Variants in LIPH observed in about 807,000 individuals in gnomAD.
The protein encoded by LIPH is lipase H.
In LIPH, 32 loss-of-function variants were observed where a neutral mutation model predicts 47.6. That is an observed-to-expected ratio of 0.67 (90% CI 0.51 to 0.90). The LOEUF (loss-of-function observed/expected upper bound fraction) is 0.90. Among genes scored for constraint, LIPH ranks in the 40% least tolerant of loss-of-function variants. LIPH has a pLI of 0.00. For synonymous variants in LIPH, 190 were observed against 195.6 expected (o/e 0.97, Z 0.24); for missense variants, 497 against 541.4 (o/e 0.92, Z 0.81).
At chr3:185,534,379 A>C (rs1353578091) in intron 2 of LIPH, among the ~76,000 whole-genome samples, 1 of 151,984 alleles carries the variant, frequency 6.6e-6, no homozygotes, top group South Asian at 2.1e-4. Context: ...AAGTTGAGGA[A>C]GCTCTAGGCA....
intron 4 of LIPH, among the ~76,000 whole-genome samples, chr3:185,525,863 A>G (rs1363022026): frequency 6.6e-6 from 1 of 152,196 alleles, no homozygotes; most frequent in East Asian, 1.9e-4. Context: ...TAATTGTTGG[A>G]CACCACACCA....
chr3:185,535,290 A>G (rs1324477342), intron 1 of LIPH, among the ~76,000 whole-genome samples, 158 bp from the exon 2 acceptor site: 1 of 152,010 alleles, frequency 6.6e-6, no homozygotes. Context: ...TCATATATAC[A>G]TACTTTGAGA....
intron 7 of LIPH, 130 bp downstream of exon 7, chr3:185,516,937 A>C (rs1462341505): frequency 2.6e-6 from 2 of 755,500 alleles, no homozygotes; most frequent in Non-Finnish European, 4.9e-6. Flanking sequence ...GAGTCAACCG[A>C]GGCCCTTCCA....
chr3:185,511,480 A>G (rs375487806), intron 9 of LIPH, 44 bp downstream of exon 9: 18 of 1,587,634 alleles, frequency 1.1e-5, no homozygotes, highest in Non-Finnish European at 1.6e-5. Context: ...ATCCAGCAAC[A>G]TCTTTGGAAA....
Position 185,534,828 on chromosome 3 carries a change from G to A in LIPH, c.354C>T (p.Thr118=). The A allele has an allele frequency of 6.2e-7, 1 of 1,613,266 alleles. No homozygotes were observed. The highest frequency in any genetic ancestry group is 8.5e-7 in the Non-Finnish European group (1 of 1,179,226). ...WNRGATTLIY[T]HASSKTRKVA... ...CTTTTCTGGTCTTACTAGAGGCATG[G>A]GTATATATTAAAGTTGTAGCTCCTC... The change falls in exon 2 of 10, where the codon ACC becomes ACT. Residue 118 remains threonine, a synonymous_variant. Coordinates refer to ENST00000296252, the MANE Select transcript of LIPH (RefSeq NM_139248.3).
intron 3 of LIPH, among the ~76,000 whole-genome samples, chr3:185,533,174 G>A (rs1051483008): frequency 2.3e-4 from 35 of 152,170 alleles, no homozygotes; most frequent in African/African-American, 7.9e-4. Flanking sequence ...TTCCCATCTC[G>A]TTTTCTTATG....
chr3:185,524,756 T>C (rs1176888183), intron 4 of LIPH, among the ~76,000 whole-genome samples: 1 of 152,192 alleles, frequency 6.6e-6, no homozygotes, highest in Non-Finnish European at 1.5e-5. Context: ...GCCCCATTTC[T>C]TCCTTATGTT....
At position 185,507,162 on chromosome 3, in the gene LIPH, A is replaced by C. The variant is rs1363246605; in HGVS notation, c.*1628T>G. On this transcript the variant is annotated 3_prime_UTR_variant, in exon 10 of 10. Coordinates refer to ENST00000296252, the MANE Select transcript of LIPH (RefSeq NM_139248.3). Reference sequence around the variant, plus strand: ...CCGAGACGGGTAGTCACCTGAGGACAGGAGTTCGAGACGAGCCTGGCTAAC... The same window carrying C: ...CCGAGACGGGTAGTCACCTGAGGACCGGAGTTCGAGACGAGCCTGGCTAAC... The C allele has an allele frequency of 1.3e-5, 2 of 151,658 alleles. No individual in the cohort carries two copies. The highest frequency in any genetic ancestry group is 2.9e-5 in the Non-Finnish European group (2 of 67,938). 9.4% of individuals were successfully genotyped at this position (151,658 alleles called of 1,614,324 possible).
intron 1 of LIPH, among the ~76,000 whole-genome samples, chr3:185,540,725 CAAA>C (rs550173961): frequency 9.3e-5 from 8 of 86,096 alleles, no homozygotes; most frequent in Non-Finnish European, 7.7e-5. Context: ...CTCAAAGAAC[CAAA>C]AAAAAAAAAA....
intron 1 of LIPH, among the ~76,000 whole-genome samples, chr3:185,535,337 C>T (rs576070207): frequency 1.8e-4 from 27 of 151,962 alleles, no homozygotes; most frequent in African/African-American, 5.3e-4. Flanking sequence ...AGTGCAGTGG[C>T]GCAATATCAG....
chr3:185,534,133 G>A (rs1393629772), intron 2 of LIPH, among the ~76,000 whole-genome samples: 2 of 152,114 alleles, frequency 1.3e-5, no homozygotes, highest in Admixed American at 6.6e-5. Context: ...CAAGGCAGGT[G>A]GATCACGAGG....
Position 185,508,529 on chromosome 3 carries a change from C to A in LIPH, c.*261G>T, listed in dbSNP as rs1719452863. The A allele has an allele frequency of 4.1e-6, 2 of 485,446 alleles. No homozygotes were observed. Among genetic ancestry groups the A allele is most frequent in the Admixed American group, 6.6e-5 (2 of 30,468 alleles). 30.1% of individuals were successfully genotyped at this position (485,446 alleles called of 1,614,324 possible). On this transcript the variant is annotated 3_prime_UTR_variant, in exon 10 of 10. Transcript: ENST00000296252. ...ATTGACAGGTCGGAACAAGGGAGGCCCCAGGACACAGCAGACACAGCGCTG... is the reference window on the plus strand; with the variant it reads ...ATTGACAGGTCGGAACAAGGGAGGCACCAGGACACAGCAGACACAGCGCTG...
chr3:185,514,111 G>A (rs1719652241), intron 8 of LIPH, among the ~76,000 whole-genome samples: 1 of 152,070 alleles, frequency 6.6e-6, no homozygotes, highest in Non-Finnish European at 1.5e-5. Context: ...AGGAAGTAAG[G>A]AGGAGAGGAA....
At chr3:185,552,402 A>G (rs1721076437) in intron 1 of LIPH, 21 bp downstream of exon 1, 1 of 1,554,112 alleles carries the variant, frequency 6.4e-7, no homozygotes, top group Non-Finnish European at 8.9e-7. Flanking sequence ...AGTTAAGAAA[A>G]CCAGTTTGTA....
At chr3:185,525,118 G>C (rs975134056) in intron 4 of LIPH, among the ~76,000 whole-genome samples, 1 of 152,070 alleles carries the variant, frequency 6.6e-6, no homozygotes, top group Non-Finnish European at 1.5e-5. Flanking sequence ...AAGGGGTTGA[G>C]GTGGGAGGAT....
intron 1 of LIPH, 53 bp downstream of exon 1, chr3:185,552,370 C>A: frequency 8.2e-7 from 1 of 1,225,328 alleles, no homozygotes; most frequent in Non-Finnish European, 1.2e-6. Flanking sequence ...AATGACAACA[C>A]AACTAATTCT....
chr3:185,546,384 G>A (rs1720873883), intron 1 of LIPH, among the ~76,000 whole-genome samples: 1 of 149,572 alleles, frequency 6.7e-6, no homozygotes, highest in African/African-American at 2.4e-5. Flanking sequence ...TCTAAAGCTG[G>A]GCATGGTGGT....
intron 8 of LIPH, among the ~76,000 whole-genome samples, chr3:185,512,419 T>C (rs190874585): frequency 6.6e-6 from 1 of 152,142 alleles, no homozygotes. Flanking sequence ...TCACTGTCTT[T>C]CTGGGGAGGT....
intron 9 of LIPH, 51 bp downstream of exon 9, chr3:185,511,473 C>T (rs1031241471): frequency 1.3e-6 from 2 of 1,548,694 alleles, no homozygotes; most frequent in African/African-American, 1.4e-5. Flanking sequence ...GGACAGGATC[C>T]AGCAACATCT....
Sources: allele counts gnomAD v4.1 joint callset (sites outside exome capture counted in the v4.1 genomes callset), GRCh38; gene constraint gnomAD v4.1.1; transcripts MANE v1.5; gene names NCBI Gene and HGNC (gene_info 2026-07-23, HGNC 2026-07-21).